The following KCNK2 variants were observed in gnomAD, a reference collection of about 807,000 sequenced individuals.
KCNK2 encodes the protein potassium two pore domain channel subfamily K member 2.
Under a neutral mutation model 40.5 loss-of-function variants are expected in KCNK2, and 21 were observed. The ratio of observed to expected loss-of-function variants is 0.52; its 90% CI spans 0.37 to 0.75. The LOEUF (loss-of-function observed/expected upper bound fraction) is 0.75. Ranked by LOEUF, KCNK2 falls within the 30% of genes least tolerant of loss-of-function variation. The probability of loss-of-function intolerance (pLI) is 0.00; values close to 1 mark genes in which losing one functional copy is unlikely to be tolerated. For missense variants in KCNK2, 399 were observed against 531.6 expected, an observed-to-expected ratio of 0.75 and a Z score of 2.45; for synonymous variants, 191 against 202.2, an observed-to-expected ratio of 0.94 and a Z score of 0.47.
At chr1:215,209,753 T>A (rs1434582187) in intron 6 of KCNK2, among the ~76,000 whole-genome samples, 4 of 38,446 alleles carry the variant, frequency 1.0e-4, no homozygotes, top group African/African-American at 4.0e-4. Context: ...TAAATATATA[T>A]TATATATAAA....
In KCNK2 at chr1:215,174,948, A is replaced by T. The variant is rs543854252; in HGVS notation, c.823+2765A>T. On this transcript the variant is annotated intron_variant, in intron 5 of 6. Transcript: ENST00000444842. ...TTTGACTTCCTCTTTTCCTAATTGA[A>T]TACCCTTTATTTCTTTCTCCTGCCT... is the stretch of plus-strand genomic sequence containing the variant. Among the ~76,000 whole-genome samples, 15 of 152,236 alleles carry T rather than the reference A, an allele frequency of 9.9e-5. No individual in the cohort carries two copies. In the East Asian group the frequency reaches 2.1e-3, roughly 22 times the overall value.
At chr1:215,075,614 T>G (rs1658899519) in intron 1 of KCNK2, among the ~76,000 whole-genome samples, 1 of 152,212 alleles carries the variant, frequency 6.6e-6, no homozygotes, top group African/African-American at 2.4e-5. Context: ...TTTATTGGCA[T>G]AAATGGCAAA....
chr1:215,101,415 G>T (rs1302977235), intron 2 of KCNK2, among the ~76,000 whole-genome samples: 1 of 151,726 alleles, frequency 6.6e-6, no homozygotes, highest in Non-Finnish European at 1.5e-5. Context: ...TTTTTGGGGT[G>T]GGCAGGAAGT....
At chr1:215,090,309 G>A (rs930727382) in intron 2 of KCNK2, among the ~76,000 whole-genome samples, 4 of 152,112 alleles carry the variant, frequency 2.6e-5, no homozygotes, top group Non-Finnish European at 5.9e-5. Context: ...AGTAAGGGGC[G>A]CTTCAGTTTC....
chr1:215,182,846 C>G (rs901178097), intron 5 of KCNK2, among the ~76,000 whole-genome samples: 2 of 152,176 alleles, frequency 1.3e-5, no homozygotes, highest in Admixed American at 1.3e-4. Context: ...GTGCCTTTCC[C>G]TCACTGCATT....
intron 1 of KCNK2, among the ~76,000 whole-genome samples, chr1:215,011,967 G>GT (rs938068130): frequency 6.6e-6 from 1 of 152,068 alleles, no homozygotes; most frequent in African/African-American, 2.4e-5. Flanking sequence ...TGTTGTTGTT[G>GT]TGTGTGTATA....
At chr1:215,155,347 A>G (rs1369703967) in intron 3 of KCNK2, among the ~76,000 whole-genome samples, 5 of 152,032 alleles carry the variant, frequency 3.3e-5, no homozygotes, top group African/African-American at 1.2e-4. Context: ...TTTGGAAGCA[A>G]CCTTTATCTC....
At chr1:215,063,548 G>A (rs890627068) in intron 1 of KCNK2, among the ~76,000 whole-genome samples, 1 of 152,134 alleles carries the variant, frequency 6.6e-6, no homozygotes, top group African/African-American at 2.4e-5. Flanking sequence ...TTTCAGGGAG[G>A]AACTGTGCTA....
chr1:215,009,192 G>A (rs1656290052), intron 1 of KCNK2, among the ~76,000 whole-genome samples: 1 of 152,060 alleles, frequency 6.6e-6, no homozygotes, highest in African/African-American at 2.4e-5. Context: ...GGTGGGGAGT[G>A]TATTTTGATG....
At chr1:215,069,585 T>C (rs574886735) in intron 1 of KCNK2, among the ~76,000 whole-genome samples, 2 of 152,306 alleles carry the variant, frequency 1.3e-5, no homozygotes, top group South Asian at 4.1e-4. Context: ...TAATGTTTAT[T>C]GAGTTCTTAA....
chr1:215,161,536 A>G (rs1408175546), intron 3 of KCNK2, among the ~76,000 whole-genome samples: 2 of 151,942 alleles, frequency 1.3e-5, no homozygotes, highest in Non-Finnish European at 2.9e-5. Flanking sequence ...AGTCATCTAC[A>G]TTAGGTATTT....
At chr1:215,076,502 T>C (rs1263747673) in intron 1 of KCNK2, among the ~76,000 whole-genome samples, 6 of 152,162 alleles carry the variant, frequency 3.9e-5, no homozygotes, top group Non-Finnish European at 8.8e-5. Flanking sequence ...TTGGAAGGCC[T>C]CAGGAGCTCC....
intron 1 of KCNK2, among the ~76,000 whole-genome samples, chr1:215,009,503 A>G (rs1159309629): frequency 6.6e-6 from 1 of 152,076 alleles, no homozygotes; most frequent in Non-Finnish European, 1.5e-5. Context: ...AGCTATGTTT[A>G]CTTCATTTGC....
chr1:215,155,250 T>G (rs1186473024), intron 3 of KCNK2, among the ~76,000 whole-genome samples: 1 of 151,960 alleles, frequency 6.6e-6, no homozygotes, highest in African/African-American at 2.4e-5. Flanking sequence ...ATTTACATAC[T>G]GGAGTCCTTT....
chr1:215,049,727 G>T (rs1657916288), intron 1 of KCNK2, among the ~76,000 whole-genome samples: 1 of 152,098 alleles, frequency 6.6e-6, no homozygotes, highest in Admixed American at 6.5e-5. Flanking sequence ...GCCAATGAAA[G>T]TCCACTTGCT....
intron 1 of KCNK2, among the ~76,000 whole-genome samples, chr1:215,028,260 C>G (rs1044941387): frequency 2.0e-4 from 30 of 152,008 alleles, no homozygotes; most frequent in African/African-American, 7.0e-4. Flanking sequence ...GGTGGCGGGT[C>G]TGTAATCCCA....
intron 6 of KCNK2, among the ~76,000 whole-genome samples, chr1:215,226,611 C>T (rs1214158904): frequency 2.6e-5 from 4 of 152,156 alleles, no homozygotes; most frequent in African/African-American, 9.7e-5. Context: ...AGGCATGAGC[C>T]ACCGCGCCCG....
chr1:215,135,577 A>C (rs1261583207), intron 3 of KCNK2, among the ~76,000 whole-genome samples: 8 of 151,756 alleles, frequency 5.3e-5, no homozygotes, highest in African/African-American at 1.9e-4. Context: ...ATAATATAAA[A>C]ATTAAAAAAA....
intron 5 of KCNK2, among the ~76,000 whole-genome samples, chr1:215,183,576 T>C (rs889348763): frequency 1.3e-5 from 2 of 152,180 alleles, no homozygotes; most frequent in Non-Finnish European, 2.9e-5. Flanking sequence ...TATTTCCCAC[T>C]ATTACTATTG....
Sources: gnomAD v4.1 joint callset for allele counts (sites outside exome capture counted in the v4.1 genomes callset) on GRCh38, gnomAD v4.1.1 for gene constraint, MANE v1.5 for transcripts, NCBI Gene and HGNC (gene_info 2026-07-23, HGNC 2026-07-21) for gene names.